The following SLC35F4 variants were observed in gnomAD, a reference collection of about 807,000 sequenced individuals.
SLC35F4 encodes the protein chromosome 14 open reading frame 36.
A neutral mutation model predicts 44.2 loss-of-function variants in SLC35F4; 24 were observed. That is an observed-to-expected ratio of 0.54 (90% CI 0.39 to 0.76). The LOEUF is 0.76. Among genes scored for constraint, SLC35F4 ranks in the 30% least tolerant of loss-of-function variants. The pLI, the probability that SLC35F4 is intolerant of heterozygous loss-of-function variation, is 0.00. For missense variants in SLC35F4, 562 were observed against 586.1 expected (o/e 0.96, Z 0.42); for synonymous variants, 238 against 223.6 (o/e 1.06, Z -0.57).
chr14:57,823,114 T>C (rs1883351915), intron 1 of SLC35F4, among the ~76,000 whole-genome samples: 1 of 152,028 alleles, frequency 6.6e-6, no homozygotes, highest in African/African-American at 2.4e-5. Context: ...CCCACTGCAC[T>C]CAGAATACCC....
Position 57,589,557 on chromosome 14 carries a change from G to A in SLC35F4, c.290-44C>T, listed in dbSNP as rs774523104. On this transcript the variant is annotated intron_variant, in intron 2 of 7. Coordinates refer to ENST00000556826, the MANE Select transcript of SLC35F4 (RefSeq NM_001306087.2). ...TACAAATGTGAGGAAAGCAGGTTAT[G>A]AAACAGCAATCAAATATATCAGCTC... 5.2e-6 allele frequency: 8 copies of A among 1,526,968 alleles called. No individual in the cohort carries two copies. The Admixed American group carries it at 1.1e-4, about 20-fold the overall frequency. 94.6% of individuals were successfully genotyped at this position (1,526,968 alleles called of 1,614,324 possible).
At chr14:57,645,422 T>G (rs1037483507) in intron 1 of SLC35F4, among the ~76,000 whole-genome samples, 1 of 151,938 alleles carries the variant, frequency 6.6e-6, no homozygotes, top group Non-Finnish European at 1.5e-5. Context: ...GCTCTCTGTT[T>G]GTCTGTTATT....
intron 1 of SLC35F4, among the ~76,000 whole-genome samples, chr14:57,971,581 A>G (rs1028338531): frequency 2.0e-5 from 3 of 152,232 alleles, no homozygotes; most frequent in Admixed American, 6.5e-5. Flanking sequence ...TTATCCTGCC[A>G]TTTGCTACAA....
chr14:57,796,766 G>A (rs1595085840), intron 1 of SLC35F4, among the ~76,000 whole-genome samples: 1 of 152,280 alleles, frequency 6.6e-6, no homozygotes, highest in African/African-American at 2.4e-5. Context: ...CAATGAAGCA[G>A]TTAAACATCA....
At chr14:57,892,077 T>C (rs936318346) in intron 1 of SLC35F4, among the ~76,000 whole-genome samples, 1 of 152,242 alleles carries the variant, frequency 6.6e-6, no homozygotes, top group African/African-American at 2.4e-5. Context: ...CAAAAATTCA[T>C]GTGTTCATTT....
chr14:57,720,479 G>A (rs1019439563), intron 1 of SLC35F4, among the ~76,000 whole-genome samples: 1 of 152,068 alleles, frequency 6.6e-6, no homozygotes, highest in Non-Finnish European at 1.5e-5. Context: ...TCTTTACTGG[G>A]AGATGTTTTA....
At chr14:57,857,316 A>T (rs1566909055) in intron 1 of SLC35F4, among the ~76,000 whole-genome samples, 1 of 152,012 alleles carries the variant, frequency 6.6e-6, no homozygotes, top group Non-Finnish European at 1.5e-5. Flanking sequence ...GAAGCACAGA[A>T]AATCTTAAGA....
chr14:57,567,023 T>A (rs1489415735), intron 6 of SLC35F4, among the ~76,000 whole-genome samples: 3 of 152,216 alleles, frequency 2.0e-5, no homozygotes, highest in African/African-American at 7.2e-5. Flanking sequence ...GCTGTTTTAT[T>A]CCCTCTCTCT....
intron 1 of SLC35F4, among the ~76,000 whole-genome samples, chr14:57,689,731 C>T (rs1486070152): frequency 2.6e-5 from 3 of 117,490 alleles, no homozygotes; most frequent in Non-Finnish European, 5.0e-5. Flanking sequence ...ACACCGGGGC[C>T]TGTTGTGGGG....
At chr14:57,836,923 C>T (rs1278274998) in intron 1 of SLC35F4, among the ~76,000 whole-genome samples, 1 of 152,148 alleles carries the variant, frequency 6.6e-6, no homozygotes, top group Non-Finnish European at 1.5e-5. Context: ...ACATCCAGAA[C>T]ATTAAAATTT....
In SLC35F4 at chr14:57,962,702, C is replaced by T. The variant is rs76486070; in HGVS notation, n.282+19211G>A. 9.7e-3 allele frequency among the ~76,000 whole-genome samples: 1,470 copies of T among 152,292 alleles called. 23 individuals carry two copies. The highest frequency in any genetic ancestry group is 0.033 in the African/African-American group (1,390 of 41,564). Reference sequence around the variant, plus strand: ...GCCGTGCTTCTTTGCATAAAGAAAACTTCCCTGCTGGTTTGTCTCCCAGGA... The same window carrying T: ...GCCGTGCTTCTTTGCATAAAGAAAATTTCCCTGCTGGTTTGTCTCCCAGGA... On this transcript the variant is annotated intron_variant and non_coding_transcript_variant, in intron 1 of 1. Coordinates refer to the SLC35F4 transcript ENST00000556568.
At chr14:57,564,542 C>G (rs2068110709) in intron 7 of SLC35F4, among the ~76,000 whole-genome samples, 166 bp from the exon 8 acceptor site, 1 of 152,230 alleles carries the variant, frequency 6.6e-6, no homozygotes, top group African/African-American at 2.4e-5. Context: ...CACTGCCTGT[C>G]TCTAAGTCAT....
chr14:57,925,266 A>G (rs1288717868), intron 1 of SLC35F4, among the ~76,000 whole-genome samples: 3 of 152,084 alleles, frequency 2.0e-5, no homozygotes, highest in African/African-American at 4.8e-5. Context: ...CACCATTTTT[A>G]TAATGTCTGC....
downstream of SLC35F4, among the ~76,000 whole-genome samples, chr14:57,972,165 A>G (rs1171192186): frequency 3.3e-5 from 5 of 152,264 alleles, no homozygotes; most frequent in Non-Finnish European, 7.3e-5. Flanking sequence ...AAGTAGCATC[A>G]GATAAAAAGA....
chr14:57,664,096 C>A (rs542299934), intron 1 of SLC35F4, among the ~76,000 whole-genome samples: 1 of 152,180 alleles, frequency 6.6e-6, no homozygotes, highest in African/African-American at 2.4e-5. Flanking sequence ...ACTAATAGGA[C>A]AATGAGGACA....
chr14:57,608,708 C>T (rs572222729), intron 1 of SLC35F4, among the ~76,000 whole-genome samples: 3 of 147,992 alleles, frequency 2.0e-5, no homozygotes, highest in African/African-American at 7.7e-5. Context: ...CTGCAGATAA[C>T]AAGGGCTGAG....
intron 1 of SLC35F4, chr14:57,630,523 C>A: frequency 1.8e-6 from 2 of 1,128,980 alleles, no homozygotes; most frequent in Non-Finnish European, 1.3e-6. Flanking sequence ...CTAGAGGCAC[C>A]TCAAAAATAG....
At chr14:57,612,937 C>G (rs770143533) in intron 1 of SLC35F4, among the ~76,000 whole-genome samples, 1 of 152,188 alleles carries the variant, frequency 6.6e-6, no homozygotes, top group Non-Finnish European at 1.5e-5. Context: ...CAATAAACTC[C>G]AGATGCATCA....
At chr14:57,594,489 A>T (rs896409458) in intron 1 of SLC35F4, among the ~76,000 whole-genome samples, 1 of 152,236 alleles carries the variant, frequency 6.6e-6, no homozygotes, top group Non-Finnish European at 1.5e-5. Flanking sequence ...ATTCTATAAA[A>T]GGGGCTCATA....
Sources: gnomAD v4.1 joint callset for allele counts (sites outside exome capture counted in the v4.1 genomes callset) on GRCh38, gnomAD v4.1.1 for gene constraint, MANE v1.5 for transcripts, NCBI Gene and HGNC (gene_info 2026-07-23, HGNC 2026-07-21) for gene names.